The following RIC8B variants were observed in gnomAD, a reference collection of about 807,000 sequenced individuals.
RIC8B encodes the protein chaperone Ric-8B.
Under a neutral mutation model 57.5 loss-of-function variants are expected in RIC8B, and 16 were observed. The observed-to-expected ratio is 0.28, with a 90% CI of 0.19 to 0.42. RIC8B has a LOEUF of 0.42. RIC8B is among the 10% of genes least tolerant of loss of function. RIC8B has a pLI of 1.00. For missense variants in RIC8B, 481 were observed against 677.0 expected (o/e 0.71, Z 3.21); for synonymous variants, 216 against 250.8 (o/e 0.86, Z 1.31).
At chr12:106,885,415 A>G (rs1951135036) in intron 9 of RIC8B, among the ~76,000 whole-genome samples, 1 of 152,156 alleles carries the variant, frequency 6.6e-6, no homozygotes. Flanking sequence ...ATCAACATGT[A>G]CTTACATATC....
chr12:106,818,545 C>T (rs541055721), intron 3 of RIC8B, among the ~76,000 whole-genome samples: 10 of 152,254 alleles, frequency 6.6e-5, no homozygotes, highest in Admixed American at 6.5e-4. Flanking sequence ...ACTGCAGCTT[C>T]GAACTCCTGG....
At chr12:106,817,844 T>A (rs1310118580) in intron 3 of RIC8B, among the ~76,000 whole-genome samples, 7 of 96,838 alleles carry the variant, frequency 7.2e-5, no homozygotes, top group East Asian at 3.4e-4. Flanking sequence ...AAAAAAAAAA[T>A]CTCTCACCAG....
intron 4 of RIC8B, among the ~76,000 whole-genome samples, chr12:106,835,153 C>T (rs528066183): frequency 6.6e-6 from 1 of 152,216 alleles, no homozygotes; most frequent in South Asian, 2.1e-4. Context: ...TGTAATCAGG[C>T]TTCTGCATCT....
At chr12:106,873,883 CCATT>C (rs1950553580) in intron 9 of RIC8B, among the ~76,000 whole-genome samples, 1 of 152,116 alleles carries the variant, frequency 6.6e-6, no homozygotes, top group Non-Finnish European at 1.5e-5. Flanking sequence ...GGAAAAATGA[CCATT>C]CATTCCAGGT....
intron 2 of RIC8B, among the ~76,000 whole-genome samples, chr12:106,803,791 T>C (rs939230975): frequency 2.6e-5 from 4 of 152,228 alleles, no homozygotes; most frequent in Non-Finnish European, 4.4e-5. Context: ...TGTGGACTTA[T>C]TTCAATCAGA....
chr12:106,876,535 C>T (rs1950671218), intron 9 of RIC8B, among the ~76,000 whole-genome samples: 1 of 152,088 alleles, frequency 6.6e-6, no homozygotes. Context: ...CTAAATTAAA[C>T]ACCTTAAGGT....
intron 1 of RIC8B, among the ~76,000 whole-genome samples, chr12:106,779,769 C>T (rs2043668013): frequency 6.7e-6 from 1 of 148,834 alleles, no homozygotes; most frequent in Admixed American, 6.7e-5. Context: ...GGGTCCTAAT[C>T]ACCTCAACTT....
At chr12:106,836,865 A>G (rs1302133331) in intron 4 of RIC8B, among the ~76,000 whole-genome samples, 2 of 152,180 alleles carry the variant, frequency 1.3e-5, no homozygotes, top group Non-Finnish European at 2.9e-5. Context: ...ACCTGATGTC[A>G]TATCCTACTC....
At chr12:106,779,868 C>CTTTTTTTTT (rs34745029) in intron 1 of RIC8B, among the ~76,000 whole-genome samples, 1 of 98,950 alleles carries the variant, frequency 1.0e-5, no homozygotes, top group Non-Finnish European at 2.0e-5. Flanking sequence ...GGGGCCTGTT[C>CTTTTTTTTT]TTTTTTTTTT....
Position 106,825,708 on chromosome 12 carries a change from C to G in RIC8B, c.742-18C>G. 1 of 1,601,500 alleles carries G rather than the reference C, an allele frequency of 6.2e-7. No individual in the cohort carries two copies. On this transcript the variant is annotated intron_variant, in intron 3 of 9. Transcript: ENST00000392837. ...GCATTCAACCCCCAATGTTTCCTCTCTTTTTTATTTGCCATAGAGTGATTC... is the reference window on the plus strand; with the variant it reads ...GCATTCAACCCCCAATGTTTCCTCTGTTTTTTATTTGCCATAGAGTGATTC...
chr12:106,818,288 T>A lies in RIC8B; in HGVS notation c.741+2984T>A, dbSNP rs2045676929. On this transcript the variant is annotated intron_variant, in intron 3 of 9. Coordinates refer to ENST00000392837, the MANE Select transcript of RIC8B (RefSeq NM_001330145.2). Reference sequence around the variant, plus strand: ...TTCAAGCAATTCTCCTGCCTCAGCCTCTGGAGTAGCTGGGATTACAGGCGT... The same window carrying A: ...TTCAAGCAATTCTCCTGCCTCAGCCACTGGAGTAGCTGGGATTACAGGCGT... 2.0e-5 allele frequency among the ~76,000 whole-genome samples: 3 copies of A among 152,018 alleles called. No individual in the cohort carries two copies. The South Asian group carries it at 6.2e-4, about 32-fold the overall frequency.
chr12:106,775,496 T>C (rs1203041248), intron 1 of RIC8B: 1 of 368,494 alleles, frequency 2.7e-6, no homozygotes, highest in Admixed American at 3.2e-5. Context: ...TTCCTATCCA[T>C]TATCTTATTT....
At chr12:106,832,625 A>G (rs1197279398) in intron 4 of RIC8B, among the ~76,000 whole-genome samples, 1 of 152,094 alleles carries the variant, frequency 6.6e-6, no homozygotes, top group African/African-American at 2.4e-5. Context: ...CTTCTCTGCC[A>G]TTATATACCC....
At chr12:106,776,794 C>G (rs2136132932) in intron 1 of RIC8B, among the ~76,000 whole-genome samples, 1 of 152,268 alleles carries the variant, frequency 6.6e-6, no homozygotes, top group South Asian at 2.1e-4. Context: ...GATTCCCAAA[C>G]CCTTGTAATT....
intron 8 of RIC8B, among the ~76,000 whole-genome samples, chr12:106,862,622 TCA>T (rs1261103627): frequency 6.6e-6 from 1 of 152,142 alleles, no homozygotes; most frequent in Non-Finnish European, 1.5e-5. Flanking sequence ...TCCCAAGATC[TCA>T]GTCTGCTTTT....
In RIC8B at chr12:106,788,307, G is replaced by C. The variant is rs561449326; in HGVS notation, c.132+4263G>C. On this transcript the variant is annotated intron_variant, in intron 2 of 9. Transcript: ENST00000392837. ...CCACACCTGGCTGTTTTCACAGGCT[G>C]GTGTTCAGTGTCTGCGGCTCTTCCA... Among the ~76,000 whole-genome samples the C allele has an allele frequency of 2.4e-4, 36 of 152,302 alleles. 1 individual carries two copies. The East Asian group carries it at 6.2e-3, about 26-fold the overall frequency.
chr12:106,789,929 C>CA (rs35721528), intron 2 of RIC8B, among the ~76,000 whole-genome samples: 41,219 of 142,268 alleles, frequency 0.29, 5,940 homozygotes, highest in African/African-American at 0.39. Flanking sequence ...CAGTGCCCTT[C>CA]AAAAAAAAAA....
intron 4 of RIC8B, among the ~76,000 whole-genome samples, chr12:106,839,654 A>C (rs2046778154): frequency 6.6e-6 from 1 of 152,236 alleles, no homozygotes; most frequent in African/African-American, 2.4e-5. Flanking sequence ...TTGTATACTT[A>C]GAATGTTGCT....
At chr12:106,842,870 G>A in intron 5 of RIC8B, 53 bp downstream of exon 5, 29 of 1,112,742 alleles carry the variant, frequency 2.6e-5, no homozygotes, top group Non-Finnish European at 3.9e-5. Flanking sequence ...GAATGTAAAT[G>A]TGCCATACAT....
Sources: gnomAD v4.1 joint callset for allele counts (sites outside exome capture counted in the v4.1 genomes callset) on GRCh38, gnomAD v4.1.1 for gene constraint, MANE v1.5 for transcripts, NCBI Gene and HGNC (gene_info 2026-07-23, HGNC 2026-07-21) for gene names.